Variants in PDE1A observed in about 807,000 individuals in gnomAD.
PDE1A encodes the protein phosphodiesterase 1A, also known as dual specificity calcium/calmodulin-dependent 3',5'-cyclic nucleotide phosphodiesterase 1A.
PDE1A carries 35 observed loss-of-function variants against 61.7 expected under a neutral mutation model. The observed-to-expected ratio is 0.57, with a 90% CI of 0.43 to 0.75. The LOEUF is 0.75. Ranked by LOEUF, PDE1A falls within the 30% of genes least tolerant of loss-of-function variation. PDE1A has a pLI of 0.00. For synonymous variants in PDE1A, 232 were observed against 213.2 expected (o/e 1.09, Z -0.77); for missense variants, 597 against 630.6 (o/e 0.95, Z 0.57).
At chr2:182,530,466 A>G in the PDE1A span, among the ~76,000 whole-genome samples, 2 of 152,218 alleles carry the variant, frequency 1.3e-5, no homozygotes, top group Admixed American at 1.3e-4. Context: ...AGAAATCCAC[A>G]TCAAGACATA....
intron 2 of PDE1A, among the ~76,000 whole-genome samples, chr2:182,247,928 G>A (rs1283971214): frequency 6.6e-6 from 1 of 151,960 alleles, no homozygotes; most frequent in East Asian, 1.9e-4. Flanking sequence ...AATGTTAAAG[G>A]GCAGAGTGTG....
intron 3 of PDE1A, among the ~76,000 whole-genome samples, chr2:182,236,067 C>A (rs1386907739): frequency 6.6e-6 from 1 of 152,146 alleles, no homozygotes; most frequent in Non-Finnish European, 1.5e-5. Context: ...TGAAGTAGCT[C>A]TCCATTTTAT....
At chr2:182,226,833 G>T (rs892935843) in intron 6 of PDE1A, among the ~76,000 whole-genome samples, 2 of 139,500 alleles carry the variant, frequency 1.4e-5, no homozygotes, top group Admixed American at 6.8e-5. Context: ...TTACTCTAGA[G>T]CGGGCAGTCA....
intron 13 of PDE1A, among the ~76,000 whole-genome samples, chr2:182,161,376 T>C (rs1275642555): frequency 6.7e-6 from 1 of 148,894 alleles, no homozygotes; most frequent in African/African-American, 2.5e-5. Flanking sequence ...ATTATCTAAA[T>C]GGGGATGGAG....
intron 2 of PDE1A, among the ~76,000 whole-genome samples, chr2:182,482,247 T>C (rs1687747570): frequency 6.6e-6 from 1 of 151,950 alleles, no homozygotes; most frequent in Non-Finnish European, 1.5e-5. Flanking sequence ...TTTATATAAC[T>C]TTTAGGTTAT....
intron 1 of PDE1A, among the ~76,000 whole-genome samples, chr2:182,357,036 T>C (rs1330211750): frequency 2.0e-5 from 3 of 150,880 alleles, no homozygotes; most frequent in Non-Finnish European, 4.4e-5. Flanking sequence ...TGTTGTGGGG[T>C]GTGGGGAGCG....
intron 2 of PDE1A, among the ~76,000 whole-genome samples, chr2:182,486,303 G>A (rs1688021218): frequency 6.6e-6 from 1 of 151,870 alleles, no homozygotes; most frequent in Non-Finnish European, 1.5e-5. Context: ...AGAAATTAAA[G>A]AATATAAAAG....
At chr2:182,266,794 A>G (rs1692662703) in intron 1 of PDE1A, among the ~76,000 whole-genome samples, 1 of 152,152 alleles carries the variant, frequency 6.6e-6, no homozygotes, top group Non-Finnish European at 1.5e-5. Flanking sequence ...GCCAGCAGCC[A>G]TCTGGGATCA....
chr2:182,461,202 T>C (rs2125764716), intron 2 of PDE1A, among the ~76,000 whole-genome samples: 1 of 152,256 alleles, frequency 6.6e-6, no homozygotes, highest in Non-Finnish European at 1.5e-5. Context: ...TATAGGAATC[T>C]GAAAGGAATA....
At chr2:182,322,058 G>A (rs1242221582) in intron 1 of PDE1A, among the ~76,000 whole-genome samples, 3 of 152,110 alleles carry the variant, frequency 2.0e-5, no homozygotes, top group East Asian at 1.9e-4. Context: ...CCAAAGTCAC[G>A]TTGCACTTTG....
chr2:182,172,848 C>T (rs1692361051), intron 13 of PDE1A, among the ~76,000 whole-genome samples: 1 of 151,996 alleles, frequency 6.6e-6, no homozygotes, highest in Non-Finnish European at 1.5e-5. Context: ...GATAGGAAAA[C>T]ATAGGCGTAG....
At chr2:182,341,156 T>G (rs1343735732) in intron 1 of PDE1A, among the ~76,000 whole-genome samples, 1 of 152,182 alleles carries the variant, frequency 6.6e-6, no homozygotes, top group Non-Finnish European at 1.5e-5. Context: ...ATCCCAATTC[T>G]CACAACGTTA....
intron 2 of PDE1A, among the ~76,000 whole-genome samples, chr2:182,464,491 C>G (rs998094343): frequency 2.0e-5 from 3 of 151,998 alleles, no homozygotes; most frequent in African/African-American, 4.8e-5. Flanking sequence ...TTTTGGCCAC[C>G]CTATCTAAAA....
rs1690935657 is a variant in PDE1A at position 182,154,053 on chromosome 2, G to A, written c.1517-6901C>T. On this transcript the variant is annotated intron_variant, in intron 13 of 13. Transcript: ENST00000409365. The stretch of plus-strand genomic sequence containing the variant: ...AGTGAGTTTCAAAAGCTAAAACTTG[G>A]AAAAAATAATCTGTAAAATGATGCA... 2.0e-5 allele frequency among the ~76,000 whole-genome samples: 3 copies of A among 152,144 alleles called. No individual in the cohort carries two copies. In the South Asian group the frequency reaches 6.2e-4, roughly 32 times the overall value.
intron 13 of PDE1A, among the ~76,000 whole-genome samples, chr2:182,157,014 A>C (rs1318122092): frequency 1.2e-5 from 1 of 82,002 alleles, no homozygotes; most frequent in African/African-American, 6.2e-5. Context: ...ATTTTATTTT[A>C]TTTTATTTTT....
chr2:182,498,740 C>T (rs553988963), intron 2 of PDE1A, among the ~76,000 whole-genome samples: 8 of 151,806 alleles, frequency 5.3e-5, no homozygotes, highest in Admixed American at 3.9e-4. Flanking sequence ...GTTAGGAGAT[C>T]GAGACCATCC....
At position 182,169,938 on chromosome 2, in the gene PDE1A, A is replaced by C. The variant is rs964089384; in HGVS notation, c.1517-1648T>G. ...CACACACACGCACACACACACACAC[A>C]CTCTCCCTCTCTCTCTTTCTCTTTC... On this transcript the variant is annotated intron_variant, in intron 13 of 13. Transcript: ENST00000351439. Among the ~76,000 whole-genome samples, 323 of 92,748 alleles carry C rather than the reference A, an allele frequency of 3.5e-3. 2 individuals are homozygous for C. Among genetic ancestry groups the C allele is most frequent in the African/African-American group, 0.012 (303 of 24,770 alleles). 60.8% of individuals were successfully genotyped at this position (92,748 alleles called of 152,430 possible).
At chr2:182,379,142 C>T (rs375458773) in intron 1 of PDE1A, among the ~76,000 whole-genome samples, 4 of 152,160 alleles carry the variant, frequency 2.6e-5, no homozygotes, top group African/African-American at 4.8e-5. Context: ...TAACAACTTC[C>T]GTTTTTTCAA....
chr2:182,534,653 T>C, the PDE1A span, among the ~76,000 whole-genome samples: 503 of 151,802 alleles, frequency 3.3e-3, 1 homozygote, highest in African/African-American at 0.011. Flanking sequence ...ATATTTATTA[T>C]TAATTTGTAA....
Sources: allele counts gnomAD v4.1 joint callset (sites outside exome capture counted in the v4.1 genomes callset), GRCh38; gene constraint gnomAD v4.1.1; transcripts MANE v1.5; gene names NCBI Gene and HGNC (gene_info 2026-07-23, HGNC 2026-07-21).